CCDC12: variants seen among roughly 807,000 people sequenced by gnomAD.
CCDC12 encodes coiled-coil domain-containing protein 12.
Under a neutral mutation model 25.7 loss-of-function variants are expected in CCDC12, and 28 were observed. That is an observed-to-expected ratio of 1.09 (90% confidence interval 0.81 to 1.50). CCDC12 has a LOEUF of 1.50. Among genes scored for constraint, CCDC12 ranks in the 40% most tolerant of loss-of-function variants. The pLI is 0.00. For missense variants in CCDC12, 198 were observed against 210.0 expected (o/e 0.94, Z 0.35); for synonymous variants, 75 against 87.7 (o/e 0.86, Z 0.81).
At chr3:46,966,490 T>G (rs111947462) in intron 1 of CCDC12, among the ~76,000 whole-genome samples, 41 of 151,188 alleles carry the variant, frequency 2.7e-4, no homozygotes, top group African/African-American at 9.7e-4. Flanking sequence ...CACCCCAGCC[T>G]GGGCGACAGA....
In CCDC12 at chr3:46,966,330, T is replaced by G. The variant is rs186998437; in HGVS notation, c.96+10307A>C. ...GAGTTTGAGACCAGCCTGGACAACA[T>G]GGCGAAACCCCATCTCTACTAAAAA... On this transcript the variant is annotated intron_variant, in intron 1 of 6. Coordinates refer to ENST00000683445, the MANE Select transcript of CCDC12 (RefSeq NM_001277074.2). Among the ~76,000 whole-genome samples, 248 of 152,118 alleles carry G rather than the reference T, an allele frequency of 1.6e-3. 2 individuals are homozygous for G. The highest frequency in any genetic ancestry group is 1.8e-4 in the Non-Finnish European group (12 of 67,998).
chr3:46,973,541 T>C (rs1279479711), intron 1 of CCDC12, among the ~76,000 whole-genome samples: 1 of 151,128 alleles, frequency 6.6e-6, no homozygotes, highest in African/African-American at 2.4e-5. Flanking sequence ...TAATTCCACT[T>C]CTGGCTATCT....
chr3:46,922,369 G>A (rs1559545853), intron 5 of CCDC12, 57 bp from the exon 6 acceptor site: 1 of 1,585,946 alleles, frequency 6.3e-7, no homozygotes, highest in Admixed American at 1.7e-5. Flanking sequence ...ATGTGGCATT[G>A]GGTCCCCTCC....
chr3:46,979,734 A>G (rs2035167527), upstream of CCDC12: 2 of 316,052 alleles, frequency 6.3e-6, no homozygotes, highest in South Asian at 1.5e-4. Context: ...AGACTTCCCC[A>G]GTAGTACCGC....
chr3:46,969,001 G>A (rs11917474), intron 1 of CCDC12, among the ~76,000 whole-genome samples: 74,708 of 152,068 alleles, frequency 0.49, 19,834 homozygotes, highest in Non-Finnish European at 0.58. Context: ...CAATACAGGC[G>A]GCAGTGATCG....
chr3:46,966,373 C>T (rs1260534582), intron 1 of CCDC12, among the ~76,000 whole-genome samples: 2 of 152,000 alleles, frequency 1.3e-5, no homozygotes, highest in African/African-American at 4.8e-5. Context: ...ATTAGCCGGG[C>T]GCGGTGACAC....
At chr3:46,969,100 G>C (rs1488331314) in intron 1 of CCDC12, among the ~76,000 whole-genome samples, 1 of 152,096 alleles carries the variant, frequency 6.6e-6, no homozygotes, top group Non-Finnish European at 1.5e-5. Flanking sequence ...ACATGATCAG[G>C]ACACGGACAA....
intron 2 of CCDC12, among the ~76,000 whole-genome samples, chr3:46,936,967 C>T (rs1397347125): frequency 6.6e-6 from 1 of 152,120 alleles, no homozygotes; most frequent in Non-Finnish European, 1.5e-5. Context: ...CTGGTCAGGG[C>T]ATAAGAGGAG....
intron 2 of CCDC12, among the ~76,000 whole-genome samples, chr3:46,939,829 T>G (rs1164035108): frequency 6.6e-6 from 1 of 152,192 alleles, no homozygotes; most frequent in Non-Finnish European, 1.5e-5. Flanking sequence ...GAGGCCCGCA[T>G]GTGGGGAGGT....
At chr3:46,940,059 C>T (rs1404384883) in intron 2 of CCDC12, among the ~76,000 whole-genome samples, 1 of 152,186 alleles carries the variant, frequency 6.6e-6, no homozygotes, top group African/African-American at 2.4e-5. Flanking sequence ...CACAGTCTGG[C>T]CCCAGGAAGA....
chr3:46,943,448 G>A (rs1008838129), intron 1 of CCDC12, among the ~76,000 whole-genome samples: 1 of 152,350 alleles, frequency 6.6e-6, no homozygotes, highest in Admixed American at 6.5e-5. Context: ...AGCAGAAAGG[G>A]CTCTTCTTTC....
chr3:46,955,621 T>C lies in CCDC12; in HGVS notation c.97-14556A>G, dbSNP rs561832004. Among the ~76,000 whole-genome samples, 85 of 152,278 alleles carry C rather than the reference T, an allele frequency of 5.6e-4. 1 individual carries two copies. In the Middle Eastern group the frequency reaches 0.01, roughly 18 times the overall value. ...ATCCAAGGGCACTGGGGAAGTGGGA[T>C]GGGCCTGCCTGATGGGCTACAGACT... On this transcript the variant is annotated intron_variant, in intron 1 of 6. Transcript: ENST00000683445.
At chr3:46,973,908 G>T (rs1250183576) in intron 1 of CCDC12, among the ~76,000 whole-genome samples, 1 of 152,150 alleles carries the variant, frequency 6.6e-6, no homozygotes, top group African/African-American at 2.4e-5. Context: ...CACCGCACCA[G>T]GCCTTGTACT....
Position 46,921,936 on chromosome 3 carries a change from G to T in CCDC12, c.*121C>A. On this transcript the variant is annotated 3_prime_UTR_variant, in exon 7 of 7. Transcript: ENST00000683445. ...CATCCATGGGGGTTTCAGACTTGAT[G>T]GGCAGGGAGTCTCTGCTCAGAAGCC... 9.8e-7 allele frequency: 1 copy of T among 1,023,084 alleles called. No individual in the cohort carries two copies. The highest frequency in any genetic ancestry group is 1.5e-6 in the Non-Finnish European group (1 of 686,106). The allele number at this position is 1,023,084 out of a possible 1,614,324, so 63.4% of individuals were successfully genotyped here.
chr3:46,945,768 T>C (rs150955088), intron 1 of CCDC12, among the ~76,000 whole-genome samples: 3 of 152,376 alleles, frequency 2.0e-5, no homozygotes, highest in African/African-American at 7.2e-5. Context: ...TCACCTAAGT[T>C]ATTGAATTTA....
At position 46,932,809 on chromosome 3, in the gene CCDC12, G is replaced by C. The variant is rs1254011022; in HGVS notation, c.165-7274C>G. ...TGAGATAATGCACCCTCCCCAGTAGGGGCAGCCTCCACACATGGCCTCTCA... is the reference window on the plus strand; with the variant it reads ...TGAGATAATGCACCCTCCCCAGTAGCGGCAGCCTCCACACATGGCCTCTCA... On this transcript the variant is annotated intron_variant, in intron 2 of 6. Transcript: ENST00000683445. Among the ~76,000 whole-genome samples, 5 of 152,310 alleles carry C rather than the reference G, an allele frequency of 3.3e-5. No individual in the cohort carries two copies. The East Asian group carries it at 9.7e-4, about 29-fold the overall frequency.
chr3:46,963,326 C>T (rs536680933), intron 1 of CCDC12, among the ~76,000 whole-genome samples: 6 of 152,316 alleles, frequency 3.9e-5, no homozygotes, highest in Non-Finnish European at 7.3e-5. Flanking sequence ...TTTTATGCCA[C>T]TATAAAGTCA....
chr3:46,956,680 G>C (rs2034297135), intron 1 of CCDC12, among the ~76,000 whole-genome samples: 1 of 152,088 alleles, frequency 6.6e-6, no homozygotes, highest in Non-Finnish European at 1.5e-5. Context: ...ACAAAGCCAG[G>C]AGTGGTAGTG....
intron 1 of CCDC12, among the ~76,000 whole-genome samples, chr3:46,961,586 A>C (rs527855821): frequency 2.6e-5 from 4 of 152,348 alleles, no homozygotes; most frequent in African/African-American, 9.6e-5. Flanking sequence ...GAGTCACAGG[A>C]CGCAGCATAC....
Sources: allele counts gnomAD v4.1 joint callset (sites outside exome capture counted in the v4.1 genomes callset), GRCh38; gene constraint gnomAD v4.1.1; transcripts MANE v1.5; gene names NCBI Gene and HGNC (gene_info 2026-07-23, HGNC 2026-07-21).